The following NPC1L1 variants were observed in gnomAD, a reference collection of about 807,000 sequenced individuals.
The protein encoded by NPC1L1 is NPC1 like intracellular cholesterol transporter 1.
NPC1L1 carries 98 observed loss-of-function variants against 117.0 expected under a neutral mutation model. That is an observed-to-expected ratio of 0.84 (90% confidence interval 0.71 to 0.99). The LOEUF (loss-of-function observed/expected upper bound fraction) is 0.99, where lower values mean the gene tolerates loss of function less well. NPC1L1 is among the 50% of genes least tolerant of loss of function. The pLI, the probability that NPC1L1 is intolerant of heterozygous loss-of-function variation, is 0.00. For synonymous variants in NPC1L1, 729 were observed against 727.6 expected (o/e 1.00, Z -0.03); for missense variants, 1,540 against 1,710.0 (o/e 0.90, Z 1.75).
At chr7:44,527,844 A>G (rs1025106811) in intron 10 of NPC1L1, among the ~76,000 whole-genome samples, 1 of 152,202 alleles carries the variant, frequency 6.6e-6, no homozygotes, top group African/African-American at 2.4e-5. Context: ...AAAGTTTTTG[A>G]GACATAGTCT....
At chr7:44,513,922 C>T (rs2117013917) in intron 18 of NPC1L1, among the ~76,000 whole-genome samples, 1 of 152,250 alleles carries the variant, frequency 6.6e-6, no homozygotes, top group Middle Eastern at 3.4e-3. Context: ...CACGACTGCT[C>T]CTCCTTGCCC....
Position 44,538,598 on chromosome 7 carries a change from G to A in NPC1L1, c.1580+219C>T, listed in dbSNP as rs996677206. Among the ~76,000 whole-genome samples, 3 of 152,246 alleles carry A rather than the reference G, an allele frequency of 2.0e-5. No homozygotes were observed. Among genetic ancestry groups the A allele is most frequent in the Non-Finnish European group, 2.9e-5 (2 of 68,048 alleles). Reference sequence around the variant, plus strand: ...GGGTTGAAGGGCCAGCGATGGCCACGCACAAACCTGCAGCCATGAGCAGGA... The same window carrying A: ...GGGTTGAAGGGCCAGCGATGGCCACACACAAACCTGCAGCCATGAGCAGGA... On this transcript the variant is annotated intron_variant, in intron 2 of 18. Coordinates refer to ENST00000381160, the MANE Select transcript of NPC1L1 (RefSeq NM_001101648.2). The surrounding 1 kb of genome is among the most constrained non-coding windows in gnomAD (Gnocchi z 5.9).
In NPC1L1 at chr7:44,541,307, A is replaced by T. The variant is rs1802097497; in HGVS notation, c.-48T>A. On this transcript the variant is annotated 5_prime_UTR_variant, in exon 1 of 19. Coordinates refer to ENST00000381160, the MANE Select transcript of NPC1L1 (RefSeq NM_001101648.2). ...CGGGGAGCCAGGCCAGGCCTCAGGA[A>T]CAGCCAAGGGCTGAACACACATTAA... 2.6e-6 allele frequency: 4 copies of T among 1,536,710 alleles called. No homozygotes were observed. In the African/African-American group the frequency reaches 4.1e-5, roughly 16 times the overall value.
In NPC1L1 at chr7:44,532,232, AC is replaced by A. The variant is rs1563207874; in HGVS notation, c.2410-16del. 1.9e-6 allele frequency: 3 copies of A among 1,612,624 alleles called. No individual in the cohort carries two copies. Among genetic ancestry groups the A allele is most frequent in the African/African-American group, 2.7e-5 (2 of 74,866 alleles). On this transcript the variant is annotated splice_polypyrimidine_tract_variant and intron_variant, in intron 8 of 18. Transcript: ENST00000381160. ...AACCGGGAGGCCTGGAGTGGGAGGC[AC>A]CCCCTCAAGGTAGTCCCAGAGCAGA... is the stretch of plus-strand genomic sequence containing the variant.
At chr7:44,527,448 C>T (rs920794688) in intron 10 of NPC1L1, among the ~76,000 whole-genome samples, 31 of 28,674 alleles carry the variant, frequency 1.1e-3, no homozygotes, top group Non-Finnish European at 1.7e-3. Context: ...GCAACAAGAG[C>T]AAAACAACTT....
chr7:44,537,273 C>T (rs1326004569), intron 2 of NPC1L1, among the ~76,000 whole-genome samples: 1 of 152,236 alleles, frequency 6.6e-6, no homozygotes, highest in African/African-American at 2.4e-5. Context: ...TGTCTCCACA[C>T]ACTGGCCTGA....
intron 10 of NPC1L1, among the ~76,000 whole-genome samples, chr7:44,531,306 C>T (rs371337066): frequency 6.6e-6 from 1 of 152,222 alleles, no homozygotes; most frequent in Admixed American, 6.5e-5. Context: ...CCTGGGCTCA[C>T]CCTAGCCTCC....
intron 10 of NPC1L1, among the ~76,000 whole-genome samples, chr7:44,527,675 G>T (rs1000496033): frequency 2.6e-5 from 4 of 151,874 alleles, no homozygotes; most frequent in Non-Finnish European, 4.4e-5. Flanking sequence ...GCAAGACTCT[G>T]CCTCTTTAAA....
Position 44,540,210 on chromosome 7 carries a change from C to A in NPC1L1, c.187G>T (p.Ala63Ser). The change falls in exon 2 of 19, where the codon GCC (alanine) becomes TCC (serine). Residue 63 changes from alanine (A) to serine (S), a missense_variant. Physicochemically the swap from Ala to Ser is moderately conservative, Grantham distance 99. Coordinates refer to ENST00000381160, the MANE Select transcript of NPC1L1 (RefSeq NM_001101648.2). ...AGGTGATCACCTGTGATCTTGCGGG[C>A]CGGCGTGTTGGACAGGCAGGACACG... ...SNVSCLSNTP[A>S]RKITGDHLIL... 6.2e-7 allele frequency: 1 copy of A among 1,614,008 alleles called. No individual in the cohort carries two copies.
At chr7:44,517,977 G>A (rs963790244) in intron 14 of NPC1L1, among the ~76,000 whole-genome samples, 2 of 151,804 alleles carry the variant, frequency 1.3e-5, no homozygotes, top group Non-Finnish European at 2.9e-5. Flanking sequence ...TTAGCCAGGC[G>A]TGGTGGCACA....
chr7:44,516,648 T>C lies in NPC1L1; in HGVS notation c.3519+55A>G, dbSNP rs1430633335. 5.1e-6 allele frequency: 7 copies of C among 1,378,376 alleles called. No homozygotes were observed. In the African/African-American group the frequency reaches 8.6e-5, roughly 17 times the overall value. 85.4% of individuals were successfully genotyped at this position (1,378,376 alleles called of 1,614,324 possible). ...AAGAACTAGGAGTATTCTATGAGGC[T>C]GGATCCCCAACCACCCCTCCAGAGG... On this transcript the variant is annotated intron_variant, in intron 16 of 18. Transcript: ENST00000381160.
chr7:44,522,463 G>A (rs931405325), intron 10 of NPC1L1, among the ~76,000 whole-genome samples: 6 of 152,116 alleles, frequency 3.9e-5, no homozygotes, highest in South Asian at 2.1e-4. Flanking sequence ...AGATATACAC[G>A]TAGATACATG....
chr7:44,540,524 A>G (rs1802066726), intron 1 of NPC1L1, among the ~76,000 whole-genome samples, 182 bp from the exon 2 acceptor site: 1 of 152,046 alleles, frequency 6.6e-6, no homozygotes. Flanking sequence ...GAGTGACAAC[A>G]CTGGCCTTTC....
intron 14 of NPC1L1, among the ~76,000 whole-genome samples, chr7:44,519,127 C>T (rs571407612): frequency 3.3e-5 from 5 of 152,026 alleles, no homozygotes; most frequent in African/African-American, 1.2e-4. Context: ...CTCCTGGGCT[C>T]AAGTGATCCT....
At chr7:44,517,071 C>G (rs1418254289) in intron 15 of NPC1L1, 136 bp downstream of exon 15, 1 of 1,442,972 alleles carries the variant, frequency 6.9e-7, no homozygotes, top group South Asian at 1.2e-5. Context: ...AGAAATAGGC[C>G]CAAGGCTGCA....
At position 44,531,652 on chromosome 7, in the gene NPC1L1, G is replaced by A. The variant is rs990210479; in HGVS notation, c.2637+103C>T. On this transcript the variant is annotated intron_variant, in intron 10 of 18. Coordinates refer to ENST00000381160, the MANE Select transcript of NPC1L1 (RefSeq NM_001101648.2). ...GAGTAATGAACAATTCTGCACCTCTGGCCAAGCCCCTGGCCGGAGGACCCC... is the reference window on the plus strand; with the variant it reads ...GAGTAATGAACAATTCTGCACCTCTAGCCAAGCCCCTGGCCGGAGGACCCC... The A allele has an allele frequency of 7.0e-6, 7 of 1,003,872 alleles. No homozygotes were observed. The African/African-American group carries it at 8.0e-5, about 11-fold the overall frequency. The allele number at this position is 1,003,872 out of a possible 1,614,324, so 62.2% of individuals were successfully genotyped here.
chr7:44,514,547 T>A (rs1246321164), intron 18 of NPC1L1, among the ~76,000 whole-genome samples: 6 of 152,012 alleles, frequency 3.9e-5, no homozygotes, highest in African/African-American at 1.5e-4. Context: ...CATACACCGA[T>A]ATCCCAGCTA....
intron 10 of NPC1L1, among the ~76,000 whole-genome samples, chr7:44,527,764 A>C (rs1243284759): frequency 6.6e-6 from 1 of 152,198 alleles, no homozygotes; most frequent in Non-Finnish European, 1.5e-5. Flanking sequence ...CTTTTTGTAC[A>C]TGATTTAAGA....
rs1388052955 is a variant in NPC1L1 at position 44,539,860 on chromosome 7, TGCAGGGACGC to T, written c.527_536del (p.Arg176GlnfsTer58). The T allele has an allele frequency of 6.2e-7, 1 of 1,614,102 alleles. No individual in the cohort carries two copies. Among genetic ancestry groups the T allele is most frequent in the Admixed American group, 1.7e-5 (1 of 60,032 alleles). On this transcript the variant is annotated frameshift_variant, in exon 2 of 19. Transcript: ENST00000381160. LOFTEE classifies it high-confidence loss of function. The surrounding 1 kb of genome is among the most constrained non-coding windows in gnomAD (Gnocchi z 4.4). ...TGGTGCCCACAGCCAGCGTGGCAGCTGCAGGGACGCGCACACGGCTGCAGGAGTCATAGCT... is the reference window on the plus strand; with the variant it reads ...TGGTGCCCACAGCCAGCGTGGCAGCTGCACACGGCTGCAGGAGTCATAGCT...
Sources: allele counts gnomAD v4.1 joint callset (sites outside exome capture counted in the v4.1 genomes callset), GRCh38; gene constraint gnomAD v4.1.1; non-coding constraint Gnocchi (gnomAD v3.1); transcripts MANE v1.5; gene names NCBI Gene and HGNC (gene_info 2026-07-23, HGNC 2026-07-21).